Variants in TRPC4AP observed in about 807,000 individuals in gnomAD.
TRPC4AP encodes transient receptor potential cation channel subfamily C member 4 associated protein.
Under a neutral mutation model 99.0 loss-of-function variants are expected in TRPC4AP, and 45 were observed. That is an observed-to-expected ratio of 0.45 (90% CI 0.36 to 0.58). The LOEUF is 0.58. Ranked by LOEUF, TRPC4AP falls within the 20% of genes least tolerant of loss-of-function variation. The pLI is 0.00. For missense variants in TRPC4AP, 879 were observed against 985.3 expected (o/e 0.89, Z 1.44); for synonymous variants, 408 against 385.8 (o/e 1.06, Z -0.67).
chr20:35,066,722 T>C (rs1412501023), intron 3 of TRPC4AP, among the ~76,000 whole-genome samples: 1 of 152,216 alleles, frequency 6.6e-6, no homozygotes, highest in Non-Finnish European at 1.5e-5. Flanking sequence ...GAAGCCATTA[T>C]AGTAAAACAC....
chr20:35,019,880 G>C (rs1204655395), intron 9 of TRPC4AP, among the ~76,000 whole-genome samples: 1 of 152,006 alleles, frequency 6.6e-6, no homozygotes, highest in Non-Finnish European at 1.5e-5. Flanking sequence ...CCCAACACCA[G>C]GTGTAGGTAA....
chr20:35,081,189 A>AC (rs1437476715), intron 1 of TRPC4AP, among the ~76,000 whole-genome samples: 1 of 152,220 alleles, frequency 6.6e-6, no homozygotes, highest in Admixed American at 6.5e-5. Flanking sequence ...TATTACATTA[A>AC]ATCTAAATAT....
intron 6 of TRPC4AP, among the ~76,000 whole-genome samples, chr20:35,049,559 A>G (rs1024684363): frequency 4.6e-5 from 7 of 152,170 alleles, no homozygotes; most frequent in Non-Finnish European, 1.0e-4. Context: ...ACTTGCCCCA[A>G]CGGTGATGAG....
intron 12 of TRPC4AP, among the ~76,000 whole-genome samples, 189 bp from the exon 13 acceptor site, chr20:35,008,936 A>G (rs924538807): frequency 6.6e-6 from 1 of 152,222 alleles, no homozygotes; most frequent in Admixed American, 6.5e-5. Flanking sequence ...TGCCAAGTGC[A>G]TTCCCACCAC....
At chr20:35,091,626 C>T (rs753349970) in intron 1 of TRPC4AP, among the ~76,000 whole-genome samples, 9 of 151,598 alleles carry the variant, frequency 5.9e-5, no homozygotes, top group Non-Finnish European at 1.2e-4. Flanking sequence ...TAGCAAGGTT[C>T]GGGGTGGGGG....
At chr20:35,054,885 T>C (rs1277608103) in intron 5 of TRPC4AP, 91 bp downstream of exon 5, 5 of 1,141,136 alleles carry the variant, frequency 4.4e-6, no homozygotes, top group Admixed American at 3.8e-5. Flanking sequence ...AAGCAGCTCT[T>C]ATGTCTGCCA....
At chr20:35,054,288 C>T (rs146430782) in intron 5 of TRPC4AP, among the ~76,000 whole-genome samples, 1 of 151,860 alleles carries the variant, frequency 6.6e-6, no homozygotes, top group Non-Finnish European at 1.5e-5. Context: ...CACAGTTTAT[C>T]ATAAGTTTCT....
chr20:35,068,965 ACACACACAC>A (rs1569140163), intron 3 of TRPC4AP, among the ~76,000 whole-genome samples: 1 of 51,502 alleles, frequency 1.9e-5, no homozygotes, highest in Non-Finnish European at 3.4e-5. Context: ...ACACACACAC[ACACACACAC>A]ACACAAAAAA....
chr20:35,076,373 G>C (rs1179874787), intron 2 of TRPC4AP, among the ~76,000 whole-genome samples: 3 of 152,140 alleles, frequency 2.0e-5, no homozygotes, highest in Non-Finnish European at 4.4e-5. Context: ...TTCTGCTCTG[G>C]TTTCTCCCTA....
intron 8 of TRPC4AP, chr20:35,030,189 C>A (rs1284183688): frequency 1.5e-5 from 2 of 130,552 alleles, no homozygotes; most frequent in African/African-American, 5.7e-5. Context: ...TGCGGGGAGC[C>A]AAGATGGTAC....
chr20:35,057,863 A>G (rs532564234), intron 3 of TRPC4AP, among the ~76,000 whole-genome samples: 35 of 152,224 alleles, frequency 2.3e-4, no homozygotes, highest in Non-Finnish European at 4.6e-4. Flanking sequence ...TTAATTTCTG[A>G]AAAGCTGCAG....
chr20:35,060,861 T>C (rs559332769), intron 3 of TRPC4AP, among the ~76,000 whole-genome samples: 16 of 152,206 alleles, frequency 1.1e-4, no homozygotes, highest in African/African-American at 3.6e-4. Flanking sequence ...AGGGCTTTTA[T>C]TAAAAAACCC....
chr20:35,007,010 G>A (rs1186018310), intron 14 of TRPC4AP, among the ~76,000 whole-genome samples: 5 of 152,334 alleles, frequency 3.3e-5, no homozygotes, highest in East Asian at 1.9e-4. Context: ...GTTTATGAAC[G>A]AAATTGTTTA....
intron 9 of TRPC4AP, among the ~76,000 whole-genome samples, chr20:35,016,722 C>T (rs1319932423): frequency 6.6e-6 from 1 of 152,134 alleles, no homozygotes; most frequent in African/African-American, 2.4e-5. Flanking sequence ...CATCAACCAC[C>T]TAAACCTTTA....
chr20:35,033,599 G>A (rs1346642080), intron 8 of TRPC4AP, among the ~76,000 whole-genome samples: 1 of 152,090 alleles, frequency 6.6e-6, no homozygotes, highest in Non-Finnish European at 1.5e-5. Flanking sequence ...TTTTGAAATT[G>A]AGCTTTGTTC....
At position 35,003,063 on chromosome 20, in the gene TRPC4AP, G is replaced by A; in HGVS notation, c.*83C>T. ...GGGGCAGGCAGAGAGCAGCAGGGAG[G>A]AACGGGAACAGGGCAGGGCGTGTGG... is the stretch of plus-strand genomic sequence containing the variant. On this transcript the variant is annotated 3_prime_UTR_variant, in exon 19 of 19. Transcript: ENST00000252015. 6.4e-7 allele frequency: 1 copy of A among 1,561,502 alleles called. No homozygotes were observed. Among genetic ancestry groups the A allele is most frequent in the Non-Finnish European group, 8.7e-7 (1 of 1,149,154 alleles).
intron 1 of TRPC4AP, among the ~76,000 whole-genome samples, chr20:35,089,176 T>C (rs952179627): frequency 6.6e-6 from 1 of 151,894 alleles, no homozygotes; most frequent in African/African-American, 2.4e-5. Flanking sequence ...GCCTGACCTA[T>C]ACACTTATAA....
rs1232672529 is a variant in TRPC4AP, at chr20:35,044,529, G to A, written c.841C>T (p.Pro281Ser). The A allele has an allele frequency of 3.1e-6, 5 of 1,613,962 alleles. No homozygotes were observed. The highest frequency in any genetic ancestry group is 2.2e-5 in the East Asian group (1 of 44,882). Residue 281 changes from proline (P) to serine (S), a missense_variant, in exon 7 of 19, where the codon CCT becomes TCT. Pro to Ser is a moderately conservative substitution (Grantham distance 74, BLOSUM62 -1). Coordinates refer to ENST00000252015, the MANE Select transcript of TRPC4AP (RefSeq NM_015638.3). ...CCTTGATTGATTTCAGCTGCAGAAG[G>A]CCCCAAACTCAAGCTCTTCTTCTGT... ...AQQKKSLSLG[P>S]SAAEINQAAL...
intron 1 of TRPC4AP, among the ~76,000 whole-genome samples, chr20:35,092,338 G>A (rs1007318746): frequency 1.3e-5 from 2 of 152,202 alleles, no homozygotes; most frequent in East Asian, 1.9e-4. Context: ...GTGGCGCAAA[G>A]AAGGGAGGAT....
Sources: allele counts gnomAD v4.1 joint callset (sites outside exome capture counted in the v4.1 genomes callset), GRCh38; gene constraint gnomAD v4.1.1; transcripts MANE v1.5; gene names NCBI Gene and HGNC (gene_info 2026-07-23, HGNC 2026-07-21).